USP12: variants seen among roughly 807,000 people sequenced by gnomAD.
USP12 encodes ubiquitin specific peptidase 12.
In USP12, 19 loss-of-function variants were observed where a neutral mutation model predicts 45.5. The observed-to-expected ratio is 0.42, with a 90% CI of 0.29 to 0.61. The LOEUF (loss-of-function observed/expected upper bound fraction) is 0.61. Among genes scored for constraint, USP12 ranks in the 20% least tolerant of loss-of-function variants. The pLI, the probability that USP12 is intolerant of heterozygous loss-of-function variation, is 0.22. For missense variants in USP12, 242 were observed against 447.7 expected, an observed-to-expected ratio of 0.54 and a Z score of 4.15; for synonymous variants, 149 against 148.8, an observed-to-expected ratio of 1.00 and a Z score of -0.01.
At chr13:27,162,600 CA>C (rs1185510851) in intron 1 of USP12, among the ~76,000 whole-genome samples, 8 of 151,902 alleles carry the variant, frequency 5.3e-5, no homozygotes, top group South Asian at 2.1e-4. Flanking sequence ...TGAAATACCT[CA>C]AAAAAAATCT....
At chr13:27,153,385 G>A (rs139418557) in intron 1 of USP12, among the ~76,000 whole-genome samples, 39 of 152,226 alleles carry the variant, frequency 2.6e-4, no homozygotes, top group African/African-American at 9.2e-4. Context: ...TTGTTTTTTA[G>A]ATAAAACATA....
intron 6 of USP12, 46 bp from the exon 7 acceptor site, chr13:27,075,434 C>T (rs1873432688): frequency 2.0e-6 from 3 of 1,512,006 alleles, no homozygotes; most frequent in South Asian, 2.4e-5. Flanking sequence ...AAGATATCCA[C>T]CATGTCCTTG....
At chr13:27,107,483 AAAAT>A (rs1423629802) in intron 2 of USP12, among the ~76,000 whole-genome samples, 2 of 152,234 alleles carry the variant, frequency 1.3e-5, no homozygotes, top group Non-Finnish European at 2.9e-5. Context: ...AAAAATCAGA[AAAAT>A]AAAAGCCTTG....
intron 1 of USP12, among the ~76,000 whole-genome samples, chr13:27,135,435 G>A (rs577507864): frequency 6.6e-5 from 10 of 152,154 alleles, no homozygotes; most frequent in East Asian, 5.8e-4. Flanking sequence ...TATGGAGGCC[G>A]GGCATGCTGG....
At chr13:27,070,925 G>C (rs1012215874) in intron 8 of USP12, 146 bp downstream of exon 8, 9 of 641,372 alleles carry the variant, frequency 1.4e-5, no homozygotes, top group Non-Finnish European at 2.1e-5. Flanking sequence ...TGCAGAGTAA[G>C]AAGTAGGAAT....
chr13:27,137,286 T>C lies in USP12; in HGVS notation c.49-20690A>G, dbSNP rs1175377763. Among the ~76,000 whole-genome samples the C allele has an allele frequency of 2.0e-5, 3 of 152,294 alleles. No individual in the cohort carries two copies. The South Asian group carries it at 6.2e-4, about 32-fold the overall frequency. On this transcript the variant is annotated intron_variant, in intron 1 of 8. Transcript: ENST00000282344. ...GAAGAACCTGAACACTTTAATTATGTTTAGAGATAGGTCATGATTATACAT... is the reference window on the plus strand; with the variant it reads ...GAAGAACCTGAACACTTTAATTATGCTTAGAGATAGGTCATGATTATACAT...
At chr13:27,113,091 T>G (rs1351456750) in intron 2 of USP12, among the ~76,000 whole-genome samples, 1 of 151,968 alleles carries the variant, frequency 6.6e-6, no homozygotes, top group African/African-American at 2.4e-5. Flanking sequence ...AAAAATTAGC[T>G]GAGCATGGTG....
chr13:27,122,957 G>T (rs919906306), intron 1 of USP12, among the ~76,000 whole-genome samples: 5 of 152,058 alleles, frequency 3.3e-5, no homozygotes, highest in Admixed American at 3.3e-4. Context: ...AGCCAGGCCT[G>T]GTGGCAGGCG....
At chr13:27,084,009 C>A (rs3002291) in intron 6 of USP12, among the ~76,000 whole-genome samples, 1 of 151,666 alleles carries the variant, frequency 6.6e-6, no homozygotes, top group Non-Finnish European at 1.5e-5. Context: ...AGATTACAGG[C>A]GCCTGCCACC....
chr13:27,073,185 G>A (rs548100333), intron 7 of USP12, among the ~76,000 whole-genome samples: 37 of 152,062 alleles, frequency 2.4e-4, no homozygotes, highest in African/African-American at 7.7e-4. Flanking sequence ...GGCAATGAGA[G>A]TGAGACAGGA....
At chr13:27,120,965 T>C (rs1288022983) in intron 1 of USP12, among the ~76,000 whole-genome samples, 1 of 152,196 alleles carries the variant, frequency 6.6e-6, no homozygotes, top group Non-Finnish European at 1.5e-5. Flanking sequence ...GACTTCCCAC[T>C]GCTGGTATTT....
At chr13:27,140,310 G>A (rs1301097481) in intron 1 of USP12, among the ~76,000 whole-genome samples, 6 of 152,270 alleles carry the variant, frequency 3.9e-5, no homozygotes, top group Admixed American at 6.5e-5. Flanking sequence ...CATAGTACAC[G>A]TGTAGTTTGT....
chr13:27,136,429 C>T (rs1187850443), intron 1 of USP12, among the ~76,000 whole-genome samples: 1 of 152,112 alleles, frequency 6.6e-6, no homozygotes, highest in Non-Finnish European at 1.5e-5. Context: ...ACCGGGGAGG[C>T]GGAGGTTGCA....
intron 6 of USP12, among the ~76,000 whole-genome samples, chr13:27,088,371 C>T (rs769193729): frequency 2.1e-4 from 30 of 145,490 alleles, no homozygotes; most frequent in Non-Finnish European, 3.6e-4. Flanking sequence ...GAGCCGAGAT[C>T]GCACCACTGC....
chr13:27,143,204 AATTG>A (rs890230374), intron 1 of USP12, among the ~76,000 whole-genome samples: 5 of 152,222 alleles, frequency 3.3e-5, no homozygotes, highest in African/African-American at 1.2e-4. Flanking sequence ...GAATGATTGT[AATTG>A]ATTATTATCA....
At position 27,129,417 on chromosome 13, in the gene USP12, C is replaced by A. The variant is rs1876390423; in HGVS notation, c.49-12821G>T. On this transcript the variant is annotated intron_variant, in intron 1 of 8. Coordinates refer to ENST00000282344, the MANE Select transcript of USP12 (RefSeq NM_182488.4). The surrounding 1 kb of genome is among the most constrained non-coding windows in gnomAD (Gnocchi z 4.0). ...ACACCATCAACAGCTCATAAAATGACAGTGTCACTCTAAAGCTATGCGTAG... is the reference window on the plus strand; with the variant it reads ...ACACCATCAACAGCTCATAAAATGAAAGTGTCACTCTAAAGCTATGCGTAG... Among the ~76,000 whole-genome samples the A allele has an allele frequency of 6.6e-6, 1 of 152,210 alleles. No homozygotes were observed.
At chr13:27,161,568 T>G (rs1163446067) in intron 1 of USP12, among the ~76,000 whole-genome samples, 3 of 152,168 alleles carry the variant, frequency 2.0e-5, no homozygotes, top group Non-Finnish European at 4.4e-5. Context: ...TAATAGGGAA[T>G]TGCAGTGTTT....
At chr13:27,101,407 G>A (rs1194041995) in intron 3 of USP12, among the ~76,000 whole-genome samples, 1 of 152,152 alleles carries the variant, frequency 6.6e-6, no homozygotes, top group Non-Finnish European at 1.5e-5. Flanking sequence ...TGGGAAAGGT[G>A]GACTTCAAAC....
At chr13:27,095,063 A>AAGGATTG (rs1874511038) in intron 4 of USP12, among the ~76,000 whole-genome samples, 1 of 152,000 alleles carries the variant, frequency 6.6e-6, no homozygotes, top group African/African-American at 2.4e-5. Flanking sequence ...GCTTAGATGG[A>AAGGATTG]AGGATTGCTT....
Sources: gnomAD v4.1 joint callset for allele counts (sites outside exome capture counted in the v4.1 genomes callset) on GRCh38, gnomAD v4.1.1 for gene constraint, Gnocchi (gnomAD v3.1) non-coding constraint, MANE v1.5 for transcripts, NCBI Gene and HGNC (gene_info 2026-07-23, HGNC 2026-07-21) for gene names.